Variants in ALG14 observed in about 807,000 individuals in gnomAD.
ALG14 encodes UDP-N-acetylglucosamine transferase subunit ALG14.
A neutral mutation model predicts 22.8 loss-of-function variants in ALG14; 17 were observed. The observed-to-expected ratio is 0.75, with a 90% CI of 0.51 to 1.12. The LOEUF is 1.12. Ranked by LOEUF, ALG14 falls within the 50% of genes most tolerant of loss-of-function variation. The probability of loss-of-function intolerance (pLI) is 0.00; values close to 1 mark genes in which losing one functional copy is unlikely to be tolerated. For missense variants in ALG14, 288 were observed against 271.8 expected, an observed-to-expected ratio of 1.06 and a Z score of -0.42; for synonymous variants, 89 against 103.7, an observed-to-expected ratio of 0.86 and a Z score of 0.86.
chr1:94,998,206 C>T (rs753564938), intron 3 of ALG14, among the ~76,000 whole-genome samples: 5 of 152,236 alleles, frequency 3.3e-5, no homozygotes, highest in Middle Eastern at 6.8e-3. Flanking sequence ...AGGATTAAAC[C>T]GCACTTCCTG....
chr1:95,018,422 G>T (rs1239794211), intron 3 of ALG14, among the ~76,000 whole-genome samples: 1 of 152,012 alleles, frequency 6.6e-6, no homozygotes. Flanking sequence ...TGTAATCCCT[G>T]CTACTCGGGA....
At chr1:94,997,163 A>C (rs1672929938) in intron 3 of ALG14, among the ~76,000 whole-genome samples, 1 of 152,190 alleles carries the variant, frequency 6.6e-6, no homozygotes. Context: ...CATCCCTGCT[A>C]AAAGGGCATG....
At chr1:95,031,250 C>T (rs1310712677) in intron 2 of ALG14, among the ~76,000 whole-genome samples, 2 of 152,176 alleles carry the variant, frequency 1.3e-5, no homozygotes, top group Non-Finnish European at 2.9e-5. Flanking sequence ...AATGAGGAGC[C>T]TCTTCCAAGT....
chr1:95,042,206 T>C (rs1029298987), intron 2 of ALG14, among the ~76,000 whole-genome samples: 1 of 152,010 alleles, frequency 6.6e-6, no homozygotes, highest in African/African-American at 2.4e-5. Context: ...TCCCTACTCT[T>C]TTGAAGAAGC....
At chr1:95,002,686 T>G (rs1673099167) in intron 3 of ALG14, among the ~76,000 whole-genome samples, 2 of 152,152 alleles carry the variant, frequency 1.3e-5, no homozygotes, top group South Asian at 4.1e-4. Context: ...ATGACAAGAT[T>G]CCTCCTGCAG....
At chr1:94,987,519 C>T (rs1672674417) in intron 3 of ALG14, among the ~76,000 whole-genome samples, 1 of 152,122 alleles carries the variant, frequency 6.6e-6, no homozygotes, top group Non-Finnish European at 1.5e-5. Context: ...GATATAAATA[C>T]AAGGTCATGA....
rs973714459 is a variant in ALG14, at chr1:94,980,629, C to T, written c.*2447G>A. On this transcript the variant is annotated 3_prime_UTR_variant, in exon 4 of 4. Transcript: ENST00000370205. Reference sequence around the variant, plus strand: ...CAGCAGGGAAATTGTGCCACCAGCCCCCTCTGCTAATGGGACCTTGAGGAC... The same window carrying T: ...CAGCAGGGAAATTGTGCCACCAGCCTCCTCTGCTAATGGGACCTTGAGGAC... The T allele has an allele frequency of 1.3e-5, 2 of 152,116 alleles. No homozygotes were observed. The highest frequency in any genetic ancestry group is 2.1e-4 in the South Asian group (1 of 4,822). 9.4% of individuals were successfully genotyped at this position (152,116 alleles called of 1,614,324 possible). A position where few individuals can be genotyped will look rare whatever the true frequency, so the allele number is the denominator to read the frequency against.
chr1:95,068,229 C>T lies in ALG14; in HGVS notation c.137-3212G>A, dbSNP rs191249347. Among the ~76,000 whole-genome samples the T allele has an allele frequency of 7.2e-5, 11 of 152,284 alleles. No individual in the cohort carries two copies. In the East Asian group the frequency reaches 1.7e-3, roughly 24 times the overall value. ...GTTTGATATTAAATCTAACATTTGCCTAAGAAGGCTGTATTATGTTTCAAA... is the reference window on the plus strand; with the variant it reads ...GTTTGATATTAAATCTAACATTTGCTTAAGAAGGCTGTATTATGTTTCAAA... On this transcript the variant is annotated intron_variant, in intron 1 of 3. Coordinates refer to ENST00000370205, the MANE Select transcript of ALG14 (RefSeq NM_144988.4).
At chr1:95,020,919 C>T (rs947187138) in intron 3 of ALG14, among the ~76,000 whole-genome samples, 3 of 152,064 alleles carry the variant, frequency 2.0e-5, no homozygotes, top group African/African-American at 7.2e-5. Flanking sequence ...TGTAAAATGG[C>T]TAATTTTATG....
chr1:95,001,950 A>G (rs1673081731), intron 3 of ALG14, among the ~76,000 whole-genome samples: 2 of 152,350 alleles, frequency 1.3e-5, no homozygotes, highest in Admixed American at 6.5e-5. Context: ...CTAATAAACT[A>G]TAGAGTAGAG....
intron 2 of ALG14, among the ~76,000 whole-genome samples, chr1:95,049,526 C>T (rs1003876459): frequency 7.9e-5 from 12 of 151,226 alleles, no homozygotes; most frequent in Admixed American, 7.9e-4. Context: ...CAGAGTGAGA[C>T]CCTGCCTCAA....
At chr1:94,985,417 G>A (rs1322580336) in intron 3 of ALG14, among the ~76,000 whole-genome samples, 1 of 152,206 alleles carries the variant, frequency 6.6e-6, no homozygotes, top group Non-Finnish European at 1.5e-5. Context: ...AACCAAGAAT[G>A]ACTCCAATCA....
rs1484617562 is a variant in ALG14, at chr1:94,974,407, C to G, written c.*8669G>C. ...TCGTCATATATGTAACACATGACTT[C>G]TGTTTAAATGCTCAAGTTTATTAGA... On this transcript the variant is annotated 3_prime_UTR_variant, in exon 4 of 4. Coordinates refer to ENST00000370205, the MANE Select transcript of ALG14 (RefSeq NM_144988.4). The G allele has an allele frequency of 3.3e-5, 5 of 151,958 alleles. No homozygotes were observed. The highest frequency in any genetic ancestry group is 1.2e-4 in the African/African-American group (5 of 41,356). 9.4% of individuals were successfully genotyped at this position (151,958 alleles called of 1,614,324 possible).
chr1:95,064,771 G>T, intron 2 of ALG14, 95 bp downstream of exon 2: 1 of 1,119,264 alleles, frequency 8.9e-7, no homozygotes. Context: ...TGCCCATTGT[G>T]GGTAGGGCAC....
intron 1 of ALG14, among the ~76,000 whole-genome samples, chr1:95,068,871 C>T (rs1675467050): frequency 6.6e-6 from 1 of 152,108 alleles, no homozygotes; most frequent in South Asian, 2.1e-4. Flanking sequence ...TTCTAACATC[C>T]ATCCATTTGT....
At chr1:95,064,099 T>C (rs1196595904) in intron 2 of ALG14, among the ~76,000 whole-genome samples, 1 of 152,188 alleles carries the variant, frequency 6.6e-6, no homozygotes, top group African/African-American at 2.4e-5. Flanking sequence ...TGTTGGTGTA[T>C]AGGAATGCTA....
At chr1:94,985,493 T>C (rs1167959867) in intron 3 of ALG14, among the ~76,000 whole-genome samples, 4 of 152,234 alleles carry the variant, frequency 2.6e-5, no homozygotes, top group Non-Finnish European at 5.9e-5. Flanking sequence ...ATTATTTGTG[T>C]TCTTTTCTTA....
At chr1:95,046,837 CCTGTAATCTCAA>C (rs1674572643) in intron 2 of ALG14, among the ~76,000 whole-genome samples, 1 of 152,160 alleles carries the variant, frequency 6.6e-6, no homozygotes, top group Admixed American at 6.5e-5. Context: ...GTGGCTTACG[CCTGTAATCTCAA>C]CACTTTGGGA....
At chr1:95,035,735 T>C (rs1246766854) in intron 2 of ALG14, 1 of 152,208 alleles carries the variant, frequency 6.6e-6, no homozygotes, top group Non-Finnish European at 1.5e-5. Flanking sequence ...GTGATTTAGA[T>C]GGAAATAATT....
Sources: gnomAD v4.1 joint callset for allele counts (sites outside exome capture counted in the v4.1 genomes callset) on GRCh38, gnomAD v4.1.1 for gene constraint, MANE v1.5 for transcripts, NCBI Gene and HGNC (gene_info 2026-07-23, HGNC 2026-07-21) for gene names.